KIAA2012: variants seen among roughly 807,000 people sequenced by gnomAD.
KIAA2012 encodes the protein KIAA2012, also known as uncharacterized protein KIAA2012.
In KIAA2012, 125 loss-of-function variants were observed where a neutral mutation model predicts 150.6. The ratio of observed to expected loss-of-function variants is 0.83; its 90% CI spans 0.72 to 0.96. KIAA2012 has a LOEUF of 0.96. Ranked by LOEUF, KIAA2012 falls within the 40% of genes least tolerant of loss-of-function variation. The pLI is 0.00. For synonymous variants in KIAA2012, 462 were observed against 504.7 expected (o/e 0.92, Z 1.13); for missense variants, 1,219 against 1,354.9 (o/e 0.90, Z 1.57).
intron 19 of KIAA2012, among the ~76,000 whole-genome samples, chr2:202,192,534 C>T (rs1029712784): frequency 4.6e-5 from 7 of 151,188 alleles, no homozygotes; most frequent in Non-Finnish European, 7.4e-5. Context: ...CTCGGCTCAC[C>T]GCAACCTCTG....
intron 2 of KIAA2012, among the ~76,000 whole-genome samples, chr2:202,083,655 G>T (rs78883124): frequency 1.1e-4 from 16 of 151,502 alleles, no homozygotes; most frequent in Non-Finnish European, 1.6e-4. Context: ...TCGAGCCAAC[G>T]TCTGAGTAGT....
At chr2:202,194,767 G>GT (rs1692384340) in intron 21 of KIAA2012, among the ~76,000 whole-genome samples, 1 of 152,066 alleles carries the variant, frequency 6.6e-6, no homozygotes, top group East Asian at 1.9e-4. Context: ...TTGTTTGTTT[G>GT]TTTTTGTTTT....
At position 202,075,298 on chromosome 2, in the gene KIAA2012, T is replaced by G. The variant is rs989068399; in HGVS notation, c.369+123T>G. ...TATGAAACTCTCAGAACTCTATTTC[T>G]TCATCTCTAAAATGAGATTGACTGT... On this transcript the variant is annotated intron_variant, in intron 2 of 23. Coordinates refer to ENST00000498697, the MANE Select transcript of KIAA2012 (RefSeq NM_001277372.4). 2.7e-6 allele frequency: 3 copies of G among 1,107,542 alleles called. No individual in the cohort carries two copies. The African/African-American group carries it at 4.8e-5, about 18-fold the overall frequency. The allele number at this position is 1,107,542 out of a possible 1,614,324, so 68.6% of individuals were successfully genotyped here.
chr2:202,084,827 T>G (rs1257960584), intron 2 of KIAA2012, among the ~76,000 whole-genome samples: 1 of 152,206 alleles, frequency 6.6e-6, no homozygotes, highest in East Asian at 1.9e-4. Context: ...AAAACTTGAT[T>G]TTATTTTTTT....
intron 1 of KIAA2012, 84 bp downstream of exon 1, chr2:202,073,795 T>C: frequency 1.6e-6 from 2 of 1,213,666 alleles, no homozygotes; most frequent in Non-Finnish European, 2.3e-6. Flanking sequence ...AAACCATGTG[T>C]GTCTTGGTTT....
chr2:202,178,202 A>AAAAGAAAG lies in KIAA2012; in HGVS notation c.2120-6535_2120-6528dup, dbSNP rs148733507. Among the ~76,000 whole-genome samples, 16 of 152,026 alleles carry AAAAGAAAG rather than the reference A, an allele frequency of 1.1e-4. No individual in the cohort carries two copies. The South Asian group carries it at 1.3e-3, about 12-fold the overall frequency. ...CAACAGAGTGAGACTCTGTCTCAGA[A>AAAAGAAAG]AAAGAAAGAAAGAAAGAAAGAAATG... On this transcript the variant is annotated intron_variant, in intron 15 of 23. Coordinates refer to ENST00000498697, the MANE Select transcript of KIAA2012 (RefSeq NM_001277372.4).
chr2:202,188,556 T>C (rs34364949), intron 18 of KIAA2012, among the ~76,000 whole-genome samples: 3,086 of 152,330 alleles, frequency 0.02, 48 homozygotes, highest in Non-Finnish European at 0.033. Context: ...TCTGTATATG[T>C]GATCTCATTA....
chr2:202,122,647 G>C (rs1176843919), intron 11 of KIAA2012, among the ~76,000 whole-genome samples: 1 of 151,840 alleles, frequency 6.6e-6, no homozygotes, highest in Non-Finnish European at 1.5e-5. Context: ...ACTACAGGTG[G>C]TGCACCACCA....
In KIAA2012 at chr2:202,097,086, C is replaced by T. The variant is rs567990616; in HGVS notation, c.686-349C>T. 1.1e-4 allele frequency among the ~76,000 whole-genome samples: 17 copies of T among 152,330 alleles called. No individual in the cohort carries two copies. In the South Asian group the frequency reaches 3.5e-3, roughly 32 times the overall value. The stretch of plus-strand genomic sequence containing the variant: ...AGCACTGTCATCCACTAATCCCTCA[C>T]AGTTTACAAGGGGCTGTCACATTCA... On this transcript the variant is annotated intron_variant, in intron 4 of 23. Coordinates refer to ENST00000498697, the MANE Select transcript of KIAA2012 (RefSeq NM_001277372.4).
chr2:202,084,403 C>A lies in KIAA2012; in HGVS notation c.370-6367C>A, dbSNP rs1018314046. 2.0e-5 allele frequency among the ~76,000 whole-genome samples: 3 copies of A among 152,336 alleles called. No individual in the cohort carries two copies. The Middle Eastern group carries it at 0.01, about 518-fold the overall frequency. ...AGTTACACAGGAGTCCCCTTCATGCCTCTGCATTCAGAGACCTCATATGCA... is the reference window on the plus strand; with the variant it reads ...AGTTACACAGGAGTCCCCTTCATGCATCTGCATTCAGAGACCTCATATGCA... On this transcript the variant is annotated intron_variant, in intron 2 of 23. Transcript: ENST00000498697.
intron 14 of KIAA2012, among the ~76,000 whole-genome samples, chr2:202,162,747 T>A (rs1216720490): frequency 1.3e-5 from 2 of 151,550 alleles, no homozygotes; most frequent in Non-Finnish European, 2.9e-5. Context: ...CTGGCCAACA[T>A]GGTGAAACCC....
intron 22 of KIAA2012, chr2:202,201,897 G>A: frequency 9.8e-7 from 1 of 1,024,408 alleles, no homozygotes; most frequent in African/African-American, 1.6e-5. Context: ...GGTGGCTGCA[G>A]GTCCGGTTCG....
chr2:202,179,030 G>T (rs1180068920), intron 15 of KIAA2012, among the ~76,000 whole-genome samples: 2 of 152,134 alleles, frequency 1.3e-5, no homozygotes, highest in Non-Finnish European at 2.9e-5. Context: ...AAACTGAGAA[G>T]AAATAAATTA....
At chr2:202,191,536 CTCTA>C (rs1249397998) in intron 19 of KIAA2012, among the ~76,000 whole-genome samples, 4 of 139,376 alleles carry the variant, frequency 2.9e-5, no homozygotes, top group Non-Finnish European at 6.1e-5. Flanking sequence ...CAGAACAAGA[CTCTA>C]TCTATCTCTA....
intron 4 of KIAA2012, among the ~76,000 whole-genome samples, chr2:202,096,148 T>TTGGTTCCA (rs1389938187): frequency 1.3e-5 from 2 of 151,788 alleles, no homozygotes; most frequent in Non-Finnish European, 2.9e-5. Flanking sequence ...CCCTCAGAAA[T>TTGGTTCCA]GCATTTGGTT....
rs1301024079 is a variant in KIAA2012 at position 202,105,866 on chromosome 2, T to C, written c.1430T>C (p.Val477Ala). The C allele has an allele frequency of 3.2e-6, 5 of 1,550,840 alleles. No homozygotes were observed. Among genetic ancestry groups the C allele is most frequent in the Admixed American group, 3.9e-5 (2 of 51,004 alleles). Residue 477 changes from valine (V) to alanine (A), a missense_variant, in exon 9 of 24, where the codon GTG becomes GCG. Coordinates refer to ENST00000498697, the MANE Select transcript of KIAA2012 (RefSeq NM_001277372.4). Reference protein sequence around the residue: ...ASLETPWELTVHLPVDASRDT... With the variant: ...ASLETPWELTAHLPVDASRDT... ...TTAGAAACACCATGGGAGTTAACAG[T>C]GCATCTCCCAGTGGACGCGAGCAGG... is the stretch of plus-strand genomic sequence containing the variant.
Position 202,104,806 on chromosome 2 carries a change from G to T in KIAA2012, c.1325-955G>T, listed in dbSNP as rs149567638. ...GGCCAGCCCTGGGAGGGACAGTCAG[G>T]TCCCAGACATCAAAACATCAGAATG... On this transcript the variant is annotated intron_variant, in intron 8 of 23. Coordinates refer to ENST00000498697, the MANE Select transcript of KIAA2012 (RefSeq NM_001277372.4). The surrounding 1 kb of genome is among the most constrained non-coding windows in gnomAD (Gnocchi z 4.3). Among the ~76,000 whole-genome samples the T allele has an allele frequency of 1.7e-3, 254 of 152,268 alleles. No individual in the cohort carries two copies. The highest frequency in any genetic ancestry group is 2.6e-3 in the Non-Finnish European group (180 of 68,026).
rs1689247414 is a variant in KIAA2012, at chr2:202,073,363, C to T, written c.-265C>T. The T allele has an allele frequency of 8.0e-6, 3 of 376,296 alleles. No homozygotes were observed. The highest frequency in any genetic ancestry group is 1.2e-4 in the South Asian group (2 of 17,164). 23.3% of individuals were successfully genotyped at this position (376,296 alleles called of 1,614,324 possible). A position where few individuals can be genotyped will look rare whatever the true frequency, so the allele number is the denominator to read the frequency against. On this transcript the variant is annotated 5_prime_UTR_variant, in exon 1 of 24. Coordinates refer to ENST00000498697, the MANE Select transcript of KIAA2012 (RefSeq NM_001277372.4). The stretch of plus-strand genomic sequence containing the variant: ...GCTCAGGAGAAGGGGAGAGACAGGT[C>T]GCCCAGAGAGTAGACAATCCAGGGC...
At chr2:202,099,901 C>G in intron 6 of KIAA2012, 105 bp downstream of exon 6, 1 of 1,032,360 alleles carries the variant, frequency 9.7e-7, no homozygotes, top group East Asian at 2.6e-5. Flanking sequence ...GCGCCACTCA[C>G]CTTACAAAAT....
Sources: allele counts gnomAD v4.1 joint callset (sites outside exome capture counted in the v4.1 genomes callset), GRCh38; gene constraint gnomAD v4.1.1; non-coding constraint Gnocchi (gnomAD v3.1); transcripts MANE v1.5; gene names NCBI Gene and HGNC (gene_info 2026-07-23, HGNC 2026-07-21).